GULP1: variants seen among roughly 807,000 people sequenced by gnomAD.
GULP1 encodes the protein GULP PTB domain containing engulfment adaptor 1.
GULP1 carries 19 observed loss-of-function variants against 40.9 expected under a neutral mutation model. The ratio of observed to expected loss-of-function variants is 0.46; its 90% CI spans 0.32 to 0.68. GULP1 has a LOEUF of 0.68. GULP1 is among the 30% of genes least tolerant of loss of function. GULP1 has a pLI of 0.03. For synonymous variants in GULP1, 119 were observed against 117.6 expected (o/e 1.01, Z -0.08); for missense variants, 312 against 362.2 (o/e 0.86, Z 1.12).
intron 10 of GULP1, among the ~76,000 whole-genome samples, chr2:188,585,704 G>A (rs997375955): frequency 6.6e-5 from 10 of 152,130 alleles, no homozygotes; most frequent in Non-Finnish European, 1.3e-4. Context: ...CAGGGCCCTG[G>A]GCTTGGCCCA....
intron 9 of GULP1, among the ~76,000 whole-genome samples, chr2:188,574,696 C>T (rs757772568): frequency 3.9e-5 from 6 of 152,042 alleles, no homozygotes; most frequent in Non-Finnish European, 7.4e-5. Context: ...GGCTAGATAA[C>T]TAAAAAATGA....
At position 188,594,031 on chromosome 2, in the gene GULP1, T is replaced by A; in HGVS notation, c.*20T>A. 7.3e-7 allele frequency: 1 copy of A among 1,364,232 alleles called. No homozygotes were observed. The highest frequency in any genetic ancestry group is 1.0e-6 in the Non-Finnish European group (1 of 953,844). 84.5% of individuals were successfully genotyped at this position (1,364,232 alleles called of 1,614,324 possible). On this transcript the variant is annotated 3_prime_UTR_variant, in exon 12 of 12. Transcript: ENST00000409830. ...TGCTGACATCAAGAACAAGAAATCCTGATTCATGTTAAATGTGTTTGTATA... is the reference window on the plus strand; with the variant it reads ...TGCTGACATCAAGAACAAGAAATCCAGATTCATGTTAAATGTGTTTGTATA...
chr2:188,315,852 C>T (rs1231149655), intron 1 of GULP1, among the ~76,000 whole-genome samples: 3 of 151,952 alleles, frequency 2.0e-5, no homozygotes, highest in Non-Finnish European at 4.4e-5. Context: ...CTCCCTCTCT[C>T]GGTCTCTCAA....
chr2:188,439,910 A>G (rs1158280422), intron 2 of GULP1, among the ~76,000 whole-genome samples: 1 of 152,222 alleles, frequency 6.6e-6, no homozygotes, highest in Non-Finnish European at 1.5e-5. Flanking sequence ...AAGTAGTACC[A>G]GACAATAGAA....
At chr2:188,399,932 AT>A (rs1325706930) in intron 2 of GULP1, among the ~76,000 whole-genome samples, 1 of 152,202 alleles carries the variant, frequency 6.6e-6, no homozygotes, top group Non-Finnish European at 1.5e-5. Context: ...CAATGGAGTT[AT>A]TCCTTGCTTT....
chr2:188,587,739 G>A (rs1411594152), intron 10 of GULP1, 116 bp from the exon 11 acceptor site: 2 of 646,418 alleles, frequency 3.1e-6, no homozygotes, highest in Non-Finnish European at 5.6e-6. Flanking sequence ...GTAAGTGTGG[G>A]TTAGTGGCTT....
chr2:188,587,074 G>A (rs1702541144), intron 10 of GULP1, among the ~76,000 whole-genome samples: 1 of 151,892 alleles, frequency 6.6e-6, no homozygotes, highest in South Asian at 2.1e-4. Context: ...GGATACATTT[G>A]AATTGATTCA....
At chr2:188,312,516 A>G (rs968316671) in intron 1 of GULP1, among the ~76,000 whole-genome samples, 1 of 152,148 alleles carries the variant, frequency 6.6e-6, no homozygotes, top group Admixed American at 6.5e-5. Flanking sequence ...CATGGTGTAT[A>G]TGTACCACGT....
chr2:188,335,425 T>G (rs1559123180), intron 1 of GULP1, among the ~76,000 whole-genome samples: 1 of 152,168 alleles, frequency 6.6e-6, no homozygotes, highest in Non-Finnish European at 1.5e-5. Flanking sequence ...TATCCAACCC[T>G]TTTAATCCTG....
At chr2:188,309,523 A>G (rs112372214) in intron 1 of GULP1, among the ~76,000 whole-genome samples, 5 of 152,326 alleles carry the variant, frequency 3.3e-5, no homozygotes, top group African/African-American at 1.2e-4. Context: ...TTCCAACTCA[A>G]TATAAGAAAG....
At chr2:188,559,177 T>C (rs1331617613) in intron 7 of GULP1, among the ~76,000 whole-genome samples, 1 of 152,168 alleles carries the variant, frequency 6.6e-6, no homozygotes, top group African/African-American at 2.4e-5. Flanking sequence ...AAAATGGTTT[T>C]CTGGGCCTGG....
At chr2:188,384,910 C>T (rs953296043) in intron 2 of GULP1, among the ~76,000 whole-genome samples, 11 of 152,298 alleles carry the variant, frequency 7.2e-5, no homozygotes, top group South Asian at 2.1e-4. Flanking sequence ...TGGGCAGCTG[C>T]GCCTCTGTGG....
chr2:188,448,307 T>C (rs113879611), intron 2 of GULP1, among the ~76,000 whole-genome samples: 4 of 152,326 alleles, frequency 2.6e-5, no homozygotes, highest in South Asian at 2.1e-4. Context: ...ATTATTTCTT[T>C]TTTTGCTATT....
At chr2:188,389,918 A>C (rs2152542306) in intron 2 of GULP1, among the ~76,000 whole-genome samples, 1 of 150,820 alleles carries the variant, frequency 6.6e-6, no homozygotes, top group South Asian at 2.1e-4. Flanking sequence ...AATGGCCTTG[A>C]GCTCCATCCA....
intron 1 of GULP1, among the ~76,000 whole-genome samples, chr2:188,367,928 T>C (rs759017120): frequency 3.3e-5 from 5 of 152,114 alleles, no homozygotes; most frequent in Non-Finnish European, 7.4e-5. Context: ...AAGGACATGG[T>C]GATGCTCTGT....
intron 2 of GULP1, among the ~76,000 whole-genome samples, chr2:188,449,982 A>G (rs1053150115): frequency 4.6e-5 from 7 of 152,194 alleles, no homozygotes; most frequent in Admixed American, 4.6e-4. Flanking sequence ...GTACACATTT[A>G]GATTTCAGCT....
At chr2:188,529,701 G>C (rs1038166734) in intron 6 of GULP1, among the ~76,000 whole-genome samples, 1 of 152,132 alleles carries the variant, frequency 6.6e-6, no homozygotes, top group Admixed American at 6.6e-5. Context: ...AGCAGGGTTA[G>C]TTTCCTCTGT....
At chr2:188,569,540 A>C in intron 8 of GULP1, 185 bp downstream of exon 8, 1 of 544,110 alleles carries the variant, frequency 1.8e-6, no homozygotes, top group Non-Finnish European at 3.3e-6. Flanking sequence ...TTTTTTAACT[A>C]TTTTATATTG....
intron 4 of GULP1, among the ~76,000 whole-genome samples, chr2:188,513,382 C>G (rs1364132444): frequency 6.6e-6 from 1 of 152,026 alleles, no homozygotes; most frequent in Non-Finnish European, 1.5e-5. Flanking sequence ...ATGTTTTAAT[C>G]TCAAAGTTCA....
Sources: allele counts gnomAD v4.1 joint callset (sites outside exome capture counted in the v4.1 genomes callset), GRCh38; gene constraint gnomAD v4.1.1; transcripts MANE v1.5; gene names NCBI Gene and HGNC (gene_info 2026-07-23, HGNC 2026-07-21).